The following FRY variants were observed in gnomAD, a reference collection of about 807,000 sequenced individuals.
FRY encodes the protein protein furry homolog.
FRY carries 128 observed loss-of-function variants against 348.4 expected under a neutral mutation model. The observed-to-expected ratio is 0.37, with a 90% CI of 0.32 to 0.43. The LOEUF (loss-of-function observed/expected upper bound fraction) is 0.43. Among genes scored for constraint, FRY ranks in the 20% least tolerant of loss-of-function variants. The pLI, the probability that FRY is intolerant of heterozygous loss-of-function variation, is 1.00. For synonymous variants in FRY, 1,370 were observed against 1,374.7 expected, an observed-to-expected ratio of 1.00 and a Z score of 0.08; for missense variants, 2,736 against 3,695.2, an observed-to-expected ratio of 0.74 and a Z score of 6.73.
Position 32,034,578 on chromosome 13 carries a change from C to G in FRY, c.70+2713C>G, listed in dbSNP as rs117206142. ...TCCTGTTGCTCTTCCCTGCTCTTAT[C>G]CAGCCTTTCCCCAGCTGTCTAGTGG... On this transcript the variant is annotated intron_variant, in intron 1 of 60. Transcript: ENST00000542859. Among the ~76,000 whole-genome samples, 326 of 152,214 alleles carry G rather than the reference C, an allele frequency of 2.1e-3. 5 individuals carry two copies. Among genetic ancestry groups the G allele is most frequent in the East Asian group, 0.02 (104 of 5,180 alleles).
rs970812817 is a variant in FRY, at chr13:32,295,240, A to T, written c.8822A>T (p.Asp2941Val). Reference sequence around the variant, plus strand: ...AATGACATCTTTGGAAGCAGTTCTGATGATGAGGTCCAGACACTACTGAAT... The same window carrying T: ...AATGACATCTTTGGAAGCAGTTCTGTTGATGAGGTCCAGACACTACTGAAT... Reference protein sequence around the residue: ...WPNDIFGSSSDDEVQTLLNIY... With the variant: ...WPNDIFGSSSVDEVQTLLNIY... Residue 2941 changes from aspartate to valine, a missense_variant, in exon 61 of 61, where the codon GAT (aspartate) becomes GTT (valine). Asp to Val is a radical substitution (Grantham distance 152). This residue lies in a region of FRY where 157 missense variants were observed against 215.2 expected (regional missense o/e 0.73). Transcript: ENST00000542859. 8 of 1,613,902 alleles carry T rather than the reference A, an allele frequency of 5.0e-6. No individual in the cohort carries two copies. Among genetic ancestry groups the T allele is most frequent in the Non-Finnish European group, 5.9e-6 (7 of 1,179,812 alleles).
chr13:32,270,697 G>A (rs1984386), intron 55 of FRY, among the ~76,000 whole-genome samples: 27,307 of 152,108 alleles, frequency 0.18, 2,753 homozygotes, highest in Non-Finnish European at 0.23. Context: ...GCCCTGATTG[G>A]GTGTCACTTC....
At chr13:32,274,795 A>T (rs1014376991) in intron 55 of FRY, 47 bp from the exon 56 acceptor site, 1 of 1,482,556 alleles carries the variant, frequency 6.7e-7, no homozygotes. Flanking sequence ...TTTATCATAT[A>T]TAAGTTTAAC....
At chr13:32,218,193 C>A (rs190333646) in intron 35 of FRY, among the ~76,000 whole-genome samples, 1 of 152,206 alleles carries the variant, frequency 6.6e-6, no homozygotes, top group African/African-American at 2.4e-5. Flanking sequence ...TTTTCTAGTT[C>A]AGTTGAAATA....
At chr13:32,147,161 C>T (rs767529711) in intron 11 of FRY, 121 bp from the exon 12 acceptor site, 7 of 683,276 alleles carry the variant, frequency 1.0e-5, no homozygotes, top group South Asian at 1.5e-5. Context: ...CAATGTGTCT[C>T]ATAAGTACCC....
chr13:32,291,568 G>T (rs1889365552), intron 59 of FRY, among the ~76,000 whole-genome samples: 1 of 151,888 alleles, frequency 6.6e-6, no homozygotes, highest in Non-Finnish European at 1.5e-5. Flanking sequence ...ACCACACCTG[G>T]CTAATTTTGT....
At chr13:32,050,214 A>G (rs549308350) in intron 1 of FRY, among the ~76,000 whole-genome samples, 2 of 152,350 alleles carry the variant, frequency 1.3e-5, no homozygotes, top group South Asian at 4.1e-4. Flanking sequence ...TACCTAATGG[A>G]TACTGCATAG....
chr13:32,204,040 A>G, intron 31 of FRY, among the ~76,000 whole-genome samples: 1 of 152,214 alleles, frequency 6.6e-6, no homozygotes, highest in African/African-American at 2.4e-5. Flanking sequence ...ACCAGCCTCC[A>G]TGCTAGGTAC....
At chr13:32,235,807 T>G (rs1886197328) in intron 42 of FRY, among the ~76,000 whole-genome samples, 1 of 152,108 alleles carries the variant, frequency 6.6e-6, no homozygotes. Context: ...CACCCTCCCC[T>G]CAGCAGAGGG....
chr13:32,171,015 C>T lies in FRY; in HGVS notation c.1896C>T (p.Leu632=), dbSNP rs188902083. The T allele has an allele frequency of 6.2e-7, 1 of 1,604,310 alleles. No homozygotes were observed. The highest frequency in any genetic ancestry group is 1.7e-5 in the Admixed American group (1 of 59,986). The change falls in exon 18 of 61, where the codon CTC becomes CTT. Residue 632 remains leucine (L), a synonymous_variant. Coordinates refer to ENST00000542859, the MANE Select transcript of FRY (RefSeq NM_023037.3). The part of the protein sequence containing the change: ...KLELIDLLAR[L]SIHMDDELRH... ...TTTTCCTTTATTCGTTTCACAGGCT[C>T]TCTATTCATATGGATGATGAATTGC...
chr13:32,123,790 T>C (rs1023102844), intron 4 of FRY, among the ~76,000 whole-genome samples: 3 of 152,152 alleles, frequency 2.0e-5, no homozygotes, highest in Admixed American at 1.3e-4. Context: ...CCAATGTTTG[T>C]CCACTGCAGC....
rs1398806139 is a variant in FRY at position 32,194,222 on chromosome 13, T to C, written c.3671T>C (p.Ile1224Thr). The C allele has an allele frequency of 9.3e-6, 15 of 1,613,964 alleles. No homozygotes were observed. Among genetic ancestry groups the C allele is most frequent in the Admixed American group, 5.0e-5 (3 of 60,002 alleles). ...PDQINLFNWA[I>T]DRCYTGSYQL... ...CAAATAAATCTTTTTAACTGGGCAA[T>C]TGACCGATGCTACACAGGTTCCTAC... Residue 1224 changes from isoleucine (I) to threonine (T), a missense_variant, in exon 29 of 61, where the codon ATT becomes ACT. Ile to Thr is a moderately conservative substitution (Grantham distance 89, BLOSUM62 -1). Coordinates refer to ENST00000542859, the MANE Select transcript of FRY (RefSeq NM_023037.3).
At chr13:32,259,565 A>T (rs2806637) in intron 51 of FRY, among the ~76,000 whole-genome samples, 45,666 of 151,868 alleles carry the variant, frequency 0.3, 7,495 homozygotes, top group Middle Eastern at 0.45. Flanking sequence ...AGCGTGGGAG[A>T]CCTCCAGAAT....
In FRY at chr13:32,294,574, ACT is replaced by A; in HGVS notation, c.8783+7_8783+8del. 3 of 1,609,932 alleles carry A rather than the reference ACT, an allele frequency of 1.9e-6. No individual in the cohort carries two copies. Among genetic ancestry groups the A allele is most frequent in the South Asian group, 2.2e-5 (2 of 90,994 alleles). ...TGCGGCAGATCAGGGAGTGCAGGTG[ACT>A]CTGCTATTTCTTTTAGAGGTGGTTG... On this transcript the variant is annotated splice_donor_5th_base_variant and intron_variant, in intron 60 of 60. Coordinates refer to ENST00000542859, the MANE Select transcript of FRY (RefSeq NM_023037.3).
At chr13:32,203,166 T>G (rs1884142767) in intron 31 of FRY, among the ~76,000 whole-genome samples, 1 of 152,182 alleles carries the variant, frequency 6.6e-6, no homozygotes, top group Admixed American at 6.5e-5. Context: ...TATATAAATT[T>G]CCCAAAGAAA....
chr13:32,196,579 AGT>A (rs147310088), intron 29 of FRY, among the ~76,000 whole-genome samples: 44 of 149,638 alleles, frequency 2.9e-4, no homozygotes, highest in Non-Finnish European at 5.4e-4. Context: ...TGAGTGTGAG[AGT>A]GTGTGTGTGT....
intron 2 of FRY, among the ~76,000 whole-genome samples, chr13:32,083,181 T>C (rs1268292785): frequency 6.6e-6 from 1 of 152,194 alleles, no homozygotes; most frequent in Non-Finnish European, 1.5e-5. Context: ...AGATCTGTCT[T>C]CCAATTCATT....
intron 13 of FRY, among the ~76,000 whole-genome samples, chr13:32,148,985 T>C (rs372189924): frequency 1.3e-5 from 2 of 151,154 alleles, no homozygotes; most frequent in East Asian, 3.9e-4. Context: ...TTCTGGAATA[T>C]GTTGTATAAA....
At chr13:32,091,379 A>G (rs1483538761) in intron 2 of FRY, among the ~76,000 whole-genome samples, 1 of 152,204 alleles carries the variant, frequency 6.6e-6, no homozygotes, top group Non-Finnish European at 1.5e-5. Context: ...TGGGGAAGTC[A>G]TTTGGGGAGT....
Sources: allele counts gnomAD v4.1 joint callset (sites outside exome capture counted in the v4.1 genomes callset), GRCh38; gene constraint gnomAD v4.1.1; regional missense constraint gnomAD v4.1.1; transcripts MANE v1.5; gene names NCBI Gene and HGNC (gene_info 2026-07-23, HGNC 2026-07-21).